Variants in OSBPL10 observed in about 807,000 individuals in gnomAD.
OSBPL10 encodes oxysterol-binding protein-related protein 10.
Under a neutral mutation model 81.7 loss-of-function variants are expected in OSBPL10, and 49 were observed. That is an observed-to-expected ratio of 0.60 (90% confidence interval 0.48 to 0.76). OSBPL10 has a LOEUF of 0.76. Among genes scored for constraint, OSBPL10 ranks in the 30% least tolerant of loss-of-function variants. The pLI is 0.00. For missense variants in OSBPL10, 923 were observed against 987.8 expected (o/e 0.93, Z 0.88); for synonymous variants, 419 against 383.6 (o/e 1.09, Z -1.08).
rs755489489 is a variant in OSBPL10, at chr3:32,054,526, C to CTTTTTTTTTT, written n.186-7933_186-7924dup. ...ACCAACATTTCCTGGTCAATGGTGG[C>CTTTTTTTTTT]TTTTTTTTTTTTTTTTTTTTTTTGA... is the stretch of plus-strand genomic sequence containing the variant. On this transcript the variant is annotated intron_variant and non_coding_transcript_variant, in intron 1 of 3. Transcript: ENST00000479173. Among the ~76,000 whole-genome samples the CTTTTTTTTTT allele has an allele frequency of 3.6e-4, 31 of 86,622 alleles. 4 individuals carry two copies. Among genetic ancestry groups the CTTTTTTTTTT allele is most frequent in the Admixed American group, 5.7e-4 (3 of 5,238 alleles). The allele number at this position is 86,622 out of a possible 152,430, so 56.8% of individuals were successfully genotyped here.
chr3:31,871,093 G>A (rs1438826189), intron 3 of OSBPL10, among the ~76,000 whole-genome samples: 2 of 151,992 alleles, frequency 1.3e-5, no homozygotes, highest in African/African-American at 4.8e-5. Context: ...AAAGCAGGCT[G>A]CCCAAACCAG....
intron 1 of OSBPL10, among the ~76,000 whole-genome samples, chr3:31,880,434 C>G (rs1205653180): frequency 6.6e-6 from 1 of 151,968 alleles, no homozygotes; most frequent in Non-Finnish European, 1.5e-5. Context: ...CTGAACTCTA[C>G]ATCCATGGTA....
intron 4 of OSBPL10, chr3:31,796,153 C>T (rs138477210): frequency 1.6e-5 from 3 of 188,364 alleles, no homozygotes; most frequent in African/African-American, 7.1e-5. Context: ...CATCGAAGAA[C>T]TCACAGTAGA....
At chr3:31,783,583 G>T (rs181423544) in intron 4 of OSBPL10, among the ~76,000 whole-genome samples, 74 of 151,038 alleles carry the variant, frequency 4.9e-4, no homozygotes, top group Middle Eastern at 3.4e-3. Flanking sequence ...TTGAGGTCAG[G>T]AGATCAAGAC....
rs942996775 is a variant in OSBPL10 at position 31,928,987 on chromosome 3, A to G, written c.282-49157T>C. Among the ~76,000 whole-genome samples, 173 of 152,154 alleles carry G rather than the reference A, an allele frequency of 1.1e-3. 1 individual carries two copies. Among genetic ancestry groups the G allele is most frequent in the African/African-American group, 4.1e-3 (170 of 41,508 alleles). ...CACAATAGCATCGCAGAGACATCCA[A>G]CTCTCAACTACCTCATTCCCAAGCC... On this transcript the variant is annotated intron_variant, in intron 1 of 11. Transcript: ENST00000396556.
intron 6 of OSBPL10, among the ~76,000 whole-genome samples, chr3:31,704,406 T>C (rs1429095009): frequency 6.6e-6 from 1 of 152,226 alleles, no homozygotes; most frequent in African/African-American, 2.4e-5. Context: ...ATTAGCAGAA[T>C]TCCTCTCATG....
In OSBPL10 at chr3:31,849,446, C is replaced by T. The variant is rs140745362; in HGVS notation, c.538-19215G>A. 3.8e-4 allele frequency among the ~76,000 whole-genome samples: 58 copies of T among 152,234 alleles called. 1 individual carries two copies. The highest frequency in any genetic ancestry group is 1.3e-3 in the African/African-American group (55 of 41,536). ...AGAAAAACAGAGCAATTATCTCTAA[C>T]GCACACAAAGACAGGACTAGAAGAT... On this transcript the variant is annotated intron_variant, in intron 3 of 11. Coordinates refer to ENST00000396556, the MANE Select transcript of OSBPL10 (RefSeq NM_017784.5).
At chr3:31,950,708 G>A (rs1028372360) in intron 1 of OSBPL10, among the ~76,000 whole-genome samples, 1 of 152,134 alleles carries the variant, frequency 6.6e-6, no homozygotes, top group Non-Finnish European at 1.5e-5. Flanking sequence ...CTCACAAATG[G>A]CTTGGTGCCC....
At chr3:31,923,801 G>T (rs1696987779) in intron 1 of OSBPL10, among the ~76,000 whole-genome samples, 1 of 152,026 alleles carries the variant, frequency 6.6e-6, no homozygotes, top group African/African-American at 2.4e-5. Context: ...AGACAGTGAG[G>T]AGTAAGTAAA....
At chr3:31,808,733 C>T (rs926447635) in intron 4 of OSBPL10, among the ~76,000 whole-genome samples, 1 of 152,150 alleles carries the variant, frequency 6.6e-6, no homozygotes, top group East Asian at 1.9e-4. Context: ...ATTCTGTATC[C>T]CTCTCTTCGC....
chr3:31,879,262 C>G (rs1305252965), intron 2 of OSBPL10: 1 of 156,302 alleles, frequency 6.4e-6, no homozygotes, highest in African/African-American at 2.4e-5. Context: ...TCTAGAGAAA[C>G]TTTGGGGGGA....
chr3:31,662,626 C>T (rs781205086), intron 11 of OSBPL10: 34 of 989,506 alleles, frequency 3.4e-5, no homozygotes, highest in Non-Finnish European at 4.1e-5. Context: ...GTATTAATAC[C>T]ATCTAGTTAT....
chr3:31,949,319 C>T (rs1697794602), intron 1 of OSBPL10, among the ~76,000 whole-genome samples: 1 of 152,166 alleles, frequency 6.6e-6, no homozygotes, highest in Admixed American at 6.5e-5. Context: ...TAGTTGGATG[C>T]ATACATCCTT....
chr3:31,992,942 G>A (rs377411851), intron 2 of OSBPL10, among the ~76,000 whole-genome samples: 85 of 152,278 alleles, frequency 5.6e-4, no homozygotes, highest in African/African-American at 2.0e-3. Flanking sequence ...GTTCAAAGCT[G>A]CAGTGAGCTG....
chr3:31,782,959 G>A (rs1025027432), intron 4 of OSBPL10, among the ~76,000 whole-genome samples: 1 of 151,802 alleles, frequency 6.6e-6, no homozygotes, highest in Non-Finnish European at 1.5e-5. Flanking sequence ...AGGAAAAGAA[G>A]TCATTACATG....
chr3:31,734,109 GCC>G (rs963942544), intron 5 of OSBPL10, among the ~76,000 whole-genome samples: 35 of 152,186 alleles, frequency 2.3e-4, no homozygotes, highest in African/African-American at 7.9e-4. Context: ...TGACACAATG[GCC>G]ATGGCTCAGA....
upstream of OSBPL10, among the ~76,000 whole-genome samples, chr3:31,982,576 G>T (rs956755755): frequency 2.6e-5 from 4 of 152,082 alleles, no homozygotes; most frequent in East Asian, 3.9e-4. Context: ...AGAGATGCAC[G>T]GAGAAGCTTC....
intron 4 of OSBPL10, among the ~76,000 whole-genome samples, chr3:31,809,888 T>TTTTTTTTTTTTTTTTTTG (rs1699630861): frequency 1.3e-5 from 2 of 149,102 alleles, no homozygotes; most frequent in African/African-American, 5.0e-5. Context: ...TTTTTTTTTT[T>TTTTTTTTTTTTTTTTTTG]GAGATGGAGT....
chr3:32,074,009 C>T (rs1389809202), intron 1 of OSBPL10, among the ~76,000 whole-genome samples: 1 of 152,252 alleles, frequency 6.6e-6, no homozygotes, highest in East Asian at 1.9e-4. Flanking sequence ...CAATCTCATC[C>T]ACTTTGTCCT....
Sources: gnomAD v4.1 joint callset for allele counts (sites outside exome capture counted in the v4.1 genomes callset) on GRCh38, gnomAD v4.1.1 for gene constraint, MANE v1.5 for transcripts, NCBI Gene and HGNC (gene_info 2026-07-23, HGNC 2026-07-21) for gene names.